Variants in DIDO1 observed in about 807,000 individuals in gnomAD.
DIDO1 encodes death-inducer obliterator 1.
In DIDO1, 16 loss-of-function variants were observed where a neutral mutation model predicts 99.4. That is an observed-to-expected ratio of 0.16 (90% CI 0.11 to 0.24). The LOEUF (loss-of-function observed/expected upper bound fraction) is 0.24. DIDO1 is among the 10% of genes least tolerant of loss of function. DIDO1 has a pLI of 1.00. For missense variants in DIDO1, 2,996 were observed against 3,014.0 expected, an observed-to-expected ratio of 0.99 and a Z score of 0.14; for synonymous variants, 1,366 against 1,239.1, an observed-to-expected ratio of 1.10 and a Z score of -2.15.
chr20:62,899,581 C>A (rs2064616445), intron 6 of DIDO1, among the ~76,000 whole-genome samples: 1 of 152,136 alleles, frequency 6.6e-6, no homozygotes, highest in Non-Finnish European at 1.5e-5. Flanking sequence ...CACCCATTAC[C>A]CAAGAGTGGG....
chr20:62,893,919 G>C lies in DIDO1; in HGVS notation c.2848C>G (p.Pro950Ala), dbSNP rs1259736269. 1 of 1,611,598 alleles carries C rather than the reference G, an allele frequency of 6.2e-7. No individual in the cohort carries two copies. Among genetic ancestry groups the C allele is most frequent in the Non-Finnish European group, 8.5e-7 (1 of 1,178,156 alleles). ...PSPLEDLSPCPASCGSGVVTT... is the reference protein window; with the variant it reads ...PSPLEDLSPCAASCGSGVVTT... ...ACCACCCCGCTCCCACAGGAGGCTGGGCAGGGGGACAGGTCTTCCAGCGGG... is the reference window on the plus strand; with the variant it reads ...ACCACCCCGCTCCCACAGGAGGCTGCGCAGGGGGACAGGTCTTCCAGCGGG... The change falls in exon 12 of 16, where the codon CCA (proline) becomes GCA (alanine). Residue 950 changes from proline to alanine, a missense_variant. Physicochemically the swap from Pro to Ala is conservative, Grantham distance 27 (BLOSUM62 -1). Around this residue, in one of 5 missense-constraint regions of DIDO1, gnomAD observed 898 missense variants for 972.7 expected, o/e 0.92. Coordinates refer to ENST00000395343, the MANE Select transcript of DIDO1 (RefSeq NM_001193369.2).
rs1263397215 is a variant in DIDO1 at position 62,879,366 on chromosome 20, C to T, written c.6590G>A (p.Arg2197Gln). ...RDRDRSRSRE[R>Q]DRDKARDRER... is the part of the protein sequence containing the mutation. Reference sequence around the variant, plus strand: ...CCTGTCCCTGGCCTTGTCTCGGTCCCGCTCTCTGCTCCGGGACCGGTCCCG... The same window carrying T: ...CCTGTCCCTGGCCTTGTCTCGGTCCTGCTCTCTGCTCCGGGACCGGTCCCG... Residue 2197 changes from arginine to glutamine, a missense_variant, in exon 16 of 16, where the codon CGG becomes CAG. Transcript: ENST00000395343. The surrounding 1 kb of genome is among the most constrained non-coding windows in gnomAD (Gnocchi z 6.3). The T allele has an allele frequency of 5.8e-6, 9 of 1,548,182 alleles. No homozygotes were observed. The highest frequency in any genetic ancestry group is 4.1e-5 in the African/African-American group (3 of 73,114).
chr20:62,897,934 C>G (rs1032812137), intron 6 of DIDO1, among the ~76,000 whole-genome samples: 4 of 152,160 alleles, frequency 2.6e-5, no homozygotes, highest in African/African-American at 9.7e-5. Context: ...CCATGAGGGC[C>G]CCAGGATGGC....
chr20:62,882,195 C>T lies in DIDO1; in HGVS notation c.3761G>A (p.Ser1254Asn), dbSNP rs1041781314. 6.2e-6 allele frequency: 10 copies of T among 1,613,524 alleles called. No individual in the cohort carries two copies. The highest frequency in any genetic ancestry group is 2.7e-5 in the African/African-American group (2 of 74,922). The change falls in exon 16 of 16, where the codon AGC (serine) becomes AAC (asparagine). Residue 1254 changes from serine (S) to asparagine (N), a missense_variant. By Grantham distance (46) the Ser-to-Asn change is conservative. Coordinates refer to ENST00000395343, the MANE Select transcript of DIDO1 (RefSeq NM_001193369.2). ...CGGCGGCGACCCAGGAGGTGTGGTGCTGACAGCCGCGTCTGCAGAGCAGAG... is the reference window on the plus strand; with the variant it reads ...CGGCGGCGACCCAGGAGGTGTGGTGTTGACAGCCGCGTCTGCAGAGCAGAG... ...YPLCSADAAV[S>N]TTPPGSPPPP...
chr20:62,905,294 G>A, intron 6 of DIDO1: 5 of 1,395,174 alleles, frequency 3.6e-6, no homozygotes, highest in Non-Finnish European at 4.6e-6. Context: ...GGCCTTCGAA[G>A]TTCGAATGTG....
intron 1 of DIDO1, among the ~76,000 whole-genome samples, chr20:62,915,760 G>T (rs1601013010): frequency 6.6e-6 from 1 of 152,084 alleles, no homozygotes; most frequent in Non-Finnish European, 1.5e-5. Context: ...CCAGAGTTTT[G>T]GGGAGTACAT....
rs748524035 is a variant in DIDO1, at chr20:62,882,189, G to A, written c.3767C>T (p.Thr1256Ile). Residue 1256 changes from threonine to isoleucine, a missense_variant, in exon 16 of 16, where the codon ACA becomes ATA. Transcript: ENST00000395343. ...CGGAGGCGGCGGCGACCCAGGAGGT[G>A]TGGTGCTGACAGCCGCGTCTGCAGA... The part of the protein sequence containing the change: ...LCSADAAVST[T>I]PPGSPPPPPP... The A allele has an allele frequency of 1.9e-6, 3 of 1,613,486 alleles. No individual in the cohort carries two copies. In the African/African-American group the frequency reaches 4.0e-5, roughly 22 times the overall value.
Position 62,894,971 on chromosome 20 carries a change from G to C in DIDO1, c.2332-57C>G. The C allele has an allele frequency of 6.3e-7, 1 of 1,598,010 alleles. No individual in the cohort carries two copies. Among genetic ancestry groups the C allele is most frequent in the Non-Finnish European group, 8.6e-7 (1 of 1,166,906 alleles). On this transcript the variant is annotated intron_variant, in intron 9 of 15. Coordinates refer to ENST00000395343, the MANE Select transcript of DIDO1 (RefSeq NM_001193369.2). This position sits in a 1 kb window ranked among gnomAD's most constrained non-coding sequence, Gnocchi z 4.4. Reference sequence around the variant, plus strand: ...CCTTGTTTTCTAGGAGGAAAGCATCGCTTATGCAGCCGTCTATGAATTTAT... The same window carrying C: ...CCTTGTTTTCTAGGAGGAAAGCATCCCTTATGCAGCCGTCTATGAATTTAT...
chr20:62,891,295 G>A (rs2064392784), intron 14 of DIDO1, 140 bp from the exon 15 acceptor site: 1 of 1,419,968 alleles, frequency 7.0e-7, no homozygotes, highest in Admixed American at 2.3e-5. Context: ...TGCTGTCTCA[G>A]TGAGGCAATT....
intron 1 of DIDO1, among the ~76,000 whole-genome samples, chr20:62,922,657 T>C (rs1193949069): frequency 6.6e-6 from 1 of 152,180 alleles, no homozygotes; most frequent in East Asian, 1.9e-4. Context: ...TGAAGCGACA[T>C]CCTGTGCCAA....
At chr20:62,927,687 T>C (rs905738084), upstream of DIDO1, among the ~76,000 whole-genome samples, 8 of 152,256 alleles carry the variant, frequency 5.3e-5, no homozygotes, top group African/African-American at 1.9e-4. Flanking sequence ...CTGCGATGCT[T>C]CCATGGATGA....
At position 62,896,941 on chromosome 20, in the gene DIDO1, C is replaced by T; in HGVS notation, c.1644G>A (p.Lys548=). Residue 548 remains lysine (K), a synonymous_variant, in exon 7 of 16, where the codon AAG becomes AAA. Coordinates refer to ENST00000395343, the MANE Select transcript of DIDO1 (RefSeq NM_001193369.2). The surrounding 1 kb of genome is among the most constrained non-coding windows in gnomAD (Gnocchi z 4.4). Reference sequence around the variant, plus strand: ...CCGCGGAGCCTGGAGGGGCTGTTTTCTTTGAGGCTGCCATGGCTGCCGCTT... The same window carrying T: ...CCGCGGAGCCTGGAGGGGCTGTTTTTTTTGAGGCTGCCATGGCTGCCGCTT... ...EEKAAAMAAS[K]KTAPPGSAVG... is the part of the protein sequence containing the mutation. The T allele has an allele frequency of 5.0e-6, 8 of 1,613,970 alleles. No individual in the cohort carries two copies. Among genetic ancestry groups the T allele is most frequent in the Non-Finnish European group, 6.8e-6 (8 of 1,179,940 alleles).
chr20:62,902,114 A>T (rs1318305733), intron 6 of DIDO1, among the ~76,000 whole-genome samples: 1 of 152,162 alleles, frequency 6.6e-6, no homozygotes, highest in East Asian at 1.9e-4. Flanking sequence ...GCATAAGCAC[A>T]AAGGGGCACC....
At position 62,909,900 on chromosome 20, in the gene DIDO1, G is replaced by A. The variant is rs2064891958; in HGVS notation, c.960C>T (p.Thr320=). The A allele has an allele frequency of 3.1e-6, 5 of 1,614,172 alleles. No homozygotes were observed. Among genetic ancestry groups the A allele is most frequent in the Non-Finnish European group, 4.2e-6 (5 of 1,180,032 alleles). The change falls in exon 4 of 16, where the codon ACC becomes ACT. Residue 320 remains threonine, a synonymous_variant. Transcript: ENST00000395343. The part of the protein sequence containing the change: ...NGEDYICPNC[T]ILQVQDETHS... ...GAGTCTCATCCTGCACTTGCAGAAT[G>A]GTGCAGTTTGGGCAGATATAGTCTT...
chr20:62,881,112 G>C lies in DIDO1; in HGVS notation c.4844C>G (p.Ala1615Gly), dbSNP rs768436457. 6.2e-7 allele frequency: 1 copy of C among 1,609,360 alleles called. No individual in the cohort carries two copies. The highest frequency in any genetic ancestry group is 1.3e-5 in the African/African-American group (1 of 75,042). ...TTCGCCCGAAGCCCAGGGGGAAGAG[G>C]CTGGCTCTTTTTCCTCCGGGACTGG... ...PMPVPEEKEPASSPWASGEKP... is the reference protein window; with the variant it reads ...PMPVPEEKEPGSSPWASGEKP... The change falls in exon 16 of 16, where the codon GCC becomes GGC. Residue 1615 changes from alanine (A) to glycine (G), a missense_variant. Physicochemically the swap from Ala to Gly is moderately conservative, Grantham distance 60 (BLOSUM62 0). Coordinates refer to ENST00000395343, the MANE Select transcript of DIDO1 (RefSeq NM_001193369.2). This position sits in a 1 kb window ranked among gnomAD's most constrained non-coding sequence, Gnocchi z 8.3.
intron 15 of DIDO1, chr20:62,887,326 G>C: frequency 1.0e-6 from 1 of 985,464 alleles, no homozygotes; most frequent in Non-Finnish European, 1.2e-6. Flanking sequence ...ATACACACAT[G>C]AAAACTGAAG....
In DIDO1 at chr20:62,880,552, C is replaced by T; in HGVS notation, c.5404G>A (p.Ala1802Thr). 6.2e-7 allele frequency: 1 copy of T among 1,613,026 alleles called. No homozygotes were observed. The highest frequency in any genetic ancestry group is 1.1e-5 in the South Asian group (1 of 91,088). ...PRGPPPARFG[A>T]QKGPIPSLFS... Reference sequence around the variant, plus strand: ...AAGGAAGGGATGGGCCCCTTCTGGGCTCCGAATCTGGCTGGCGGAGGCCCT... The same window carrying T: ...AAGGAAGGGATGGGCCCCTTCTGGGTTCCGAATCTGGCTGGCGGAGGCCCT... The change falls in exon 16 of 16, where the codon GCC (alanine) becomes ACC (threonine). Residue 1802 changes from alanine (A) to threonine (T), a missense_variant. Coordinates refer to ENST00000395343, the MANE Select transcript of DIDO1 (RefSeq NM_001193369.2).
At position 62,879,867 on chromosome 20, in the gene DIDO1, G is replaced by T; in HGVS notation, c.6089C>A (p.Pro2030His). Residue 2030 changes from proline to histidine, a missense_variant, in exon 16 of 16, where the codon CCC becomes CAC. By Grantham distance (77) the Pro-to-His change is moderately conservative. Coordinates refer to ENST00000395343, the MANE Select transcript of DIDO1 (RefSeq NM_001193369.2). This position sits in a 1 kb window ranked among gnomAD's most constrained non-coding sequence, Gnocchi z 6.3. ...KPGPRPLLELPSHPPQHRKDR... is the reference protein window; with the variant it reads ...KPGPRPLLELHSHPPQHRKDR... ...CTTCCGGTGCTGCGGGGGGTGGCTG[G>T]GAAGCTCCAGCAGGGGCCTGGGGCC... The T allele has an allele frequency of 6.3e-7, 1 of 1,593,880 alleles. No individual in the cohort carries two copies. The highest frequency in any genetic ancestry group is 1.1e-5 in the South Asian group (1 of 89,084).
rs573489960 is a variant in DIDO1, at chr20:62,890,236, A to G, written c.3541+724T>C. 59 of 985,968 alleles carry G rather than the reference A, an allele frequency of 6.0e-5. No individual in the cohort carries two copies. The South Asian group carries it at 2.4e-3, about 41-fold the overall frequency. 61.1% of individuals were successfully genotyped at this position (985,968 alleles called of 1,614,324 possible). On this transcript the variant is annotated intron_variant, in intron 15 of 15. Coordinates refer to ENST00000395343, the MANE Select transcript of DIDO1 (RefSeq NM_001193369.2). Reference sequence around the variant, plus strand: ...CTCTGGGGACTGCATGGCCACGGAGACACTTCAGTTGGGCATCAGATACTA... The same window carrying G: ...CTCTGGGGACTGCATGGCCACGGAGGCACTTCAGTTGGGCATCAGATACTA...
Sources: allele counts gnomAD v4.1 joint callset (sites outside exome capture counted in the v4.1 genomes callset), GRCh38; gene constraint gnomAD v4.1.1; regional missense constraint gnomAD v4.1.1; non-coding constraint Gnocchi (gnomAD v3.1); transcripts MANE v1.5; gene names NCBI Gene and HGNC (gene_info 2026-07-23, HGNC 2026-07-21).